Variants in CNTN6 observed in about 807,000 individuals in gnomAD.
CNTN6 encodes the protein contactin 6.
Under a neutral mutation model 122.8 loss-of-function variants are expected in CNTN6, and 137 were observed. The ratio of observed to expected loss-of-function variants is 1.12; its 90% confidence interval spans 0.97 to 1.29. CNTN6 has a LOEUF of 1.29. CNTN6 is among the 50% of genes most tolerant of loss of function. CNTN6 has a pLI of 0.00. For synonymous variants in CNTN6, 570 were observed against 426.0 expected, an observed-to-expected ratio of 1.34 and a Z score of -4.16; for missense variants, 1,634 against 1,223.4, an observed-to-expected ratio of 1.34 and a Z score of -5.01.
chr3:1,161,749 AATAT>A (rs60499031), intron 2 of CNTN6, among the ~76,000 whole-genome samples: 5 of 144,244 alleles, frequency 3.5e-5, no homozygotes, highest in Non-Finnish European at 7.6e-5. Context: ...TGCCCTTAGG[AATAT>A]ATATATATAT....
intron 12 of CNTN6, among the ~76,000 whole-genome samples, chr3:1,357,141 G>A (rs1350116067): frequency 4.6e-5 from 7 of 151,726 alleles, no homozygotes; most frequent in East Asian, 1.9e-4. Flanking sequence ...TACAGCATAG[G>A]TTTTACCACT....
At chr3:1,109,899 C>G (rs1354032460) in intron 1 of CNTN6, among the ~76,000 whole-genome samples, 1 of 151,998 alleles carries the variant, frequency 6.6e-6, no homozygotes, top group African/African-American at 2.4e-5. Flanking sequence ...ATTTTTAAGT[C>G]TTTAATTATT....
At chr3:1,322,059 G>A (rs1394453100) in intron 8 of CNTN6, among the ~76,000 whole-genome samples, 2 of 151,512 alleles carry the variant, frequency 1.3e-5, no homozygotes, top group African/African-American at 2.4e-5. Flanking sequence ...TATTATATTT[G>A]CCTTCAAAAT....
At chr3:1,253,182 T>A (rs2094698324) in intron 4 of CNTN6, among the ~76,000 whole-genome samples, 2 of 152,318 alleles carry the variant, frequency 1.3e-5, no homozygotes, top group Middle Eastern at 6.8e-3. Context: ...TATATTTCAT[T>A]AGCTTCAGTC....
At chr3:1,131,238 G>T (rs888282193) in intron 1 of CNTN6, among the ~76,000 whole-genome samples, 10 of 152,074 alleles carry the variant, frequency 6.6e-5, no homozygotes, top group Admixed American at 2.0e-4. Flanking sequence ...GAGCTCAGAA[G>T]TAAGTAGGGT....
intron 11 of CNTN6, among the ~76,000 whole-genome samples, chr3:1,332,499 G>GAAGGAAGA (rs1702438242): frequency 9.7e-6 from 1 of 103,328 alleles, no homozygotes; most frequent in African/African-American, 4.2e-5. Flanking sequence ...AGGAAAAAAG[G>GAAGGAAGA]AAGGAAGGAA....
At position 1,267,006 on chromosome 3, in the gene CNTN6, C is replaced by G. The variant is rs192768486; in HGVS notation, c.359-11407C>G. On this transcript the variant is annotated intron_variant, in intron 4 of 22. Coordinates refer to ENST00000446702, the MANE Select transcript of CNTN6 (RefSeq NM_001289080.2). ...GAGTCTCTCTCTGTAACCTGCGACCCCCAGGTTCAAGCAATTCTTCTGCCT... is the reference window on the plus strand; with the variant it reads ...GAGTCTCTCTCTGTAACCTGCGACCGCCAGGTTCAAGCAATTCTTCTGCCT... 3.8e-4 allele frequency among the ~76,000 whole-genome samples: 56 copies of G among 149,108 alleles called. 1 individual carries two copies. Among genetic ancestry groups the G allele is most frequent in the African/African-American group, 1.3e-3 (54 of 40,324 alleles).
At chr3:1,214,094 T>C (rs1236532263) in intron 2 of CNTN6, among the ~76,000 whole-genome samples, 1 of 152,082 alleles carries the variant, frequency 6.6e-6, no homozygotes, top group East Asian at 1.9e-4. Flanking sequence ...GCAGAGTTCT[T>C]AAGTGTAAGT....
intron 12 of CNTN6, 64 bp downstream of exon 12, chr3:1,352,515 T>A: frequency 6.3e-7 from 1 of 1,580,778 alleles, no homozygotes; most frequent in Non-Finnish European, 8.7e-7. Context: ...TTATGACTTG[T>A]GTTATGGTGT....
intron 1 of CNTN6, among the ~76,000 whole-genome samples, chr3:1,129,842 C>G (rs1025921223): frequency 6.7e-6 from 1 of 149,750 alleles, no homozygotes; most frequent in Non-Finnish European, 1.5e-5. Flanking sequence ...TCAAGTCATG[C>G]TTTTGAAAAC....
At chr3:1,155,522 T>A (rs1420873448) in intron 2 of CNTN6, among the ~76,000 whole-genome samples, 2 of 152,164 alleles carry the variant, frequency 1.3e-5, no homozygotes, top group African/African-American at 2.4e-5. Flanking sequence ...ATACTGAAAG[T>A]AGAAAGCTAT....
intron 12 of CNTN6, among the ~76,000 whole-genome samples, chr3:1,371,480 C>T (rs1369819625): frequency 2.0e-5 from 3 of 152,012 alleles, no homozygotes; most frequent in Non-Finnish European, 4.4e-5. Flanking sequence ...TTGAGTTGCT[C>T]TTTGATGAAT....
At chr3:1,401,660 A>C in intron 21 of CNTN6, 115 bp downstream of exon 21, 4 of 676,114 alleles carry the variant, frequency 5.9e-6, no homozygotes, top group Non-Finnish European at 1.0e-5. Flanking sequence ...ATCTTTTTCA[A>C]AATTATTTTG....
At chr3:1,312,661 G>T (rs1318205552) in intron 7 of CNTN6, among the ~76,000 whole-genome samples, 2 of 149,146 alleles carry the variant, frequency 1.3e-5, no homozygotes, top group South Asian at 2.1e-4. Flanking sequence ...AGACACATTA[G>T]TTCCTTAGGT....
intron 12 of CNTN6, among the ~76,000 whole-genome samples, chr3:1,357,040 G>A (rs1706672679): frequency 6.6e-6 from 1 of 151,782 alleles, no homozygotes; most frequent in Non-Finnish European, 1.5e-5. Flanking sequence ...TGCAGCATAT[G>A]TCACTCAGAT....
chr3:1,348,309 G>C (rs1269969589), intron 11 of CNTN6, among the ~76,000 whole-genome samples: 4 of 151,888 alleles, frequency 2.6e-5, no homozygotes, highest in Non-Finnish European at 5.9e-5. Context: ...AATTGCACAG[G>C]ATGGCACAAG....
At chr3:1,150,975 G>A (rs935408686) in intron 2 of CNTN6, among the ~76,000 whole-genome samples, 1 of 152,178 alleles carries the variant, frequency 6.6e-6, no homozygotes, top group Admixed American at 6.5e-5. Context: ...GGGGTGTGAT[G>A]AAGGAAGCTC....
At chr3:1,382,585 G>T (rs74809651) in intron 17 of CNTN6, among the ~76,000 whole-genome samples, 4,969 of 146,458 alleles carry the variant, frequency 0.034, 113 homozygotes, top group South Asian at 0.055. Flanking sequence ...AAATAGTTAA[G>T]AAGTTAATTT....
intron 12 of CNTN6, among the ~76,000 whole-genome samples, chr3:1,371,374 C>T (rs1296156899): frequency 6.6e-6 from 1 of 151,818 alleles, no homozygotes; most frequent in East Asian, 1.9e-4. Flanking sequence ...TGCCTAAAAC[C>T]TTTATTCTTA....
Sources: allele counts gnomAD v4.1 joint callset (sites outside exome capture counted in the v4.1 genomes callset), GRCh38; gene constraint gnomAD v4.1.1; transcripts MANE v1.5; gene names NCBI Gene and HGNC (gene_info 2026-07-23, HGNC 2026-07-21).